Variants in FPR2 observed in about 807,000 individuals in gnomAD.
FPR2 encodes the protein formyl peptide receptor 2, also known as N-formyl peptide receptor 2.
In FPR2, 3 loss-of-function variants were observed where a neutral mutation model predicts 4.0. That is an observed-to-expected ratio of 0.74 (90% confidence interval 0.34 to 1.92). The LOEUF is 1.92. Among genes scored for constraint, FPR2 ranks in the 30% most tolerant of loss-of-function variants. The pLI is 0.07. For synonymous variants in FPR2, 179 were observed against 171.5 expected (o/e 1.04, Z -0.34); for missense variants, 372 against 435.7 (o/e 0.85, Z 1.30).
intron 1 of FPR2, among the ~76,000 whole-genome samples, chr19:51,764,542 T>C (rs1490170740): frequency 2.0e-5 from 3 of 152,180 alleles, no homozygotes; most frequent in Non-Finnish European, 4.4e-5. Context: ...CCCTCGATAA[T>C]TGTGAAAGTC....
intron 1 of FPR2, among the ~76,000 whole-genome samples, chr19:51,768,204 G>A (rs2083878394): frequency 6.6e-6 from 1 of 152,318 alleles, no homozygotes; most frequent in Admixed American, 6.5e-5. Flanking sequence ...AGGGACAGGA[G>A]TTGGGAGACT....
At chr19:51,761,480 A>G (rs1367737352) in intron 1 of FPR2, among the ~76,000 whole-genome samples, 3 of 152,206 alleles carry the variant, frequency 2.0e-5, no homozygotes, top group Non-Finnish European at 4.4e-5. Context: ...ACGTGTTCCA[A>G]TGATTTTTTT....
intron 1 of FPR2, among the ~76,000 whole-genome samples, chr19:51,765,729 A>C (rs2083864418): frequency 6.6e-6 from 1 of 152,156 alleles, no homozygotes; most frequent in Non-Finnish European, 1.5e-5. Context: ...TTTGTCATAG[A>C]TATACTCAGT....
rs56087157 is a variant in FPR2 at position 51,767,613 on chromosome 19, A to G, written c.-14-1032A>G. Among the ~76,000 whole-genome samples, 879 of 152,194 alleles carry G rather than the reference A, an allele frequency of 5.8e-3. 3 individuals are homozygous for G. Among genetic ancestry groups the G allele is most frequent in the Admixed American group, 0.01 (158 of 15,282 alleles). On this transcript the variant is annotated intron_variant, in intron 1 of 1. Coordinates refer to ENST00000340023, the MANE Select transcript of FPR2 (RefSeq NM_001005738.2). ...TAAACACAATTGTGGTTTTTCAAGCAGAGAAGAATGGGGAACCGTTGCTGG... is the reference window on the plus strand; with the variant it reads ...TAAACACAATTGTGGTTTTTCAAGCGGAGAAGAATGGGGAACCGTTGCTGG...
At chr19:51,763,759 G>GCTGT (rs2083853227) in intron 1 of FPR2, among the ~76,000 whole-genome samples, 1 of 151,972 alleles carries the variant, frequency 6.6e-6, no homozygotes, top group South Asian at 2.1e-4. Context: ...TAGTTTTGTT[G>GCTGT]TTGTTTGTTT....
Position 51,764,831 on chromosome 19 carries a change from A to AT in FPR2, c.-15+3612dup, listed in dbSNP as rs941143515. On this transcript the variant is annotated intron_variant, in intron 1 of 1. Transcript: ENST00000340023. ...AATCATCCTTCCTTGTTGCATCAAC[A>AT]TTTTTTTTTTTCTGAGACAGAGTCT... Among the ~76,000 whole-genome samples, 141 of 147,150 alleles carry AT rather than the reference A, an allele frequency of 9.6e-4. 1 individual carries two copies. The highest frequency in any genetic ancestry group is 1.2e-3 in the East Asian group (6 of 5,054).
intron 1 of FPR2, among the ~76,000 whole-genome samples, chr19:51,765,119 G>A (rs976467469): frequency 6.6e-6 from 1 of 152,148 alleles, no homozygotes; most frequent in Non-Finnish European, 1.5e-5. Context: ...GAGCCACTGC[G>A]CCCAGCCTGT....
chr19:51,761,708 G>T (rs987348626), intron 1 of FPR2, among the ~76,000 whole-genome samples: 3 of 152,124 alleles, frequency 2.0e-5, no homozygotes, highest in African/African-American at 4.8e-5. Context: ...CAGGAGAATC[G>T]CTTGAACCTA....
intron 1 of FPR2, among the ~76,000 whole-genome samples, chr19:51,762,124 C>T (rs2083841696): frequency 1.4e-5 from 2 of 142,950 alleles, no homozygotes; most frequent in African/African-American, 5.4e-5. Flanking sequence ...CTTGCTCTGT[C>T]GCCCAGGCTG....
chr19:51,764,513 G>A (rs1035027200), intron 1 of FPR2, among the ~76,000 whole-genome samples: 5 of 152,252 alleles, frequency 3.3e-5, no homozygotes, highest in African/African-American at 1.2e-4. Context: ...GAAATCTGTG[G>A]TCATAAATTC....
In FPR2 at chr19:51,768,756, TTGGGGTC is replaced by T; in HGVS notation, c.99_105del (p.Gly34ProfsTer12). ...CTGCGGATCCTCCCATTGGTGGTGC[TTGGGGTC>T]ACCTTTGTCCTCGGGGTCCTGGGCA... On this transcript the variant is annotated frameshift_variant, in exon 2 of 2. Transcript: ENST00000340023. LOFTEE classifies it low-confidence loss of function (END_TRUNC). 1 of 1,614,184 alleles carries T rather than the reference TTGGGGTC, an allele frequency of 6.2e-7. No individual in the cohort carries two copies. Among genetic ancestry groups the T allele is most frequent in the Non-Finnish European group, 8.5e-7 (1 of 1,180,020 alleles).
rs184883925 is a variant in FPR2, at chr19:51,762,507, G to A, written c.-15+1277G>A. 6.2e-3 allele frequency: 920 copies of A among 149,444 alleles called. 6 individuals are homozygous for A. The highest frequency in any genetic ancestry group is 0.01 in the Non-Finnish European group (697 of 67,622). 9.3% of individuals were successfully genotyped at this position (149,444 alleles called of 1,614,324 possible). On this transcript the variant is annotated intron_variant, in intron 1 of 1. Coordinates refer to ENST00000340023, the MANE Select transcript of FPR2 (RefSeq NM_001005738.2). ...TCCCTGGTTCAAGCGATTCTCCTGC[G>A]TCAGCCTCCCGAGCATCTGGAATTA...
At chr19:51,767,802 C>T (rs1382898811) in intron 1 of FPR2, among the ~76,000 whole-genome samples, 1 of 152,172 alleles carries the variant, frequency 6.6e-6, no homozygotes, top group Non-Finnish European at 1.5e-5. Context: ...ATGAATATTA[C>T]ATAGCTATTA....
intron 1 of FPR2, among the ~76,000 whole-genome samples, chr19:51,765,602 T>C (rs1477785232): frequency 6.6e-6 from 1 of 152,184 alleles, no homozygotes; most frequent in African/African-American, 2.4e-5. Flanking sequence ...GTGTGGGTAA[T>C]GTTCATAAGT....
rs529128829 is a variant in FPR2, at chr19:51,769,100, G to A, written c.442G>A (p.Gly148Arg). The A allele has an allele frequency of 1.6e-5, 26 of 1,614,112 alleles. No individual in the cohort carries two copies. The highest frequency in any genetic ancestry group is 1.4e-4 in the South Asian group (13 of 91,080). The change falls in exon 2 of 2, where the codon GGA becomes AGA. Residue 148 changes from glycine to arginine, a missense_variant. By Grantham distance (125) the Gly-to-Arg change is moderately radical. Coordinates refer to ENST00000340023, the MANE Select transcript of FPR2 (RefSeq NM_001005738.2). The surrounding 1 kb of genome is among the most constrained non-coding windows in gnomAD (Gnocchi z 4.4). ...TVSLAMKVIV[G>R]PWILALVLTL... is the part of the protein sequence containing the mutation. ...GAGTCTGGCCATGAAGGTGATCGTC[G>A]GACCTTGGATTCTTGCTCTAGTCCT...
rs995711132 is a variant in FPR2, at chr19:51,770,387, T to A, written c.*673T>A. ...TACTGTTATTTCACTTTTTCTACTA[T>A]CCTTGCTAAGTTTTCATAGAAAATA... On this transcript the variant is annotated 3_prime_UTR_variant, in exon 2 of 2. Transcript: ENST00000340023. 11 of 167,100 alleles carry A rather than the reference T, an allele frequency of 6.6e-5. No individual in the cohort carries two copies. The highest frequency in any genetic ancestry group is 1.3e-4 in the Non-Finnish European group (9 of 68,124). 10.4% of individuals were successfully genotyped at this position (167,100 alleles called of 1,614,324 possible).
rs1032794466 is a variant in FPR2 at position 51,769,141 on chromosome 19, C to T, written c.483C>T (p.Phe161=). 4.3e-6 allele frequency: 7 copies of T among 1,614,056 alleles called. No homozygotes were observed. The highest frequency in any genetic ancestry group is 1.1e-5 in the South Asian group (1 of 91,082). ...ILALVLTLPV[F]LFLTTVTIPN... ...CTCTAGTCCTTACCTTGCCAGTTTT[C>T]CTCTTTTTGACTACAGTAACTATTC... The change falls in exon 2 of 2, where the codon TTC becomes TTT. Residue 161 remains phenylalanine, a synonymous_variant. Coordinates refer to ENST00000340023, the MANE Select transcript of FPR2 (RefSeq NM_001005738.2). The surrounding 1 kb of genome is among the most constrained non-coding windows in gnomAD (Gnocchi z 4.4).
intron 1 of FPR2, among the ~76,000 whole-genome samples, chr19:51,767,406 A>T (rs954407131): frequency 6.6e-6 from 1 of 151,376 alleles, no homozygotes; most frequent in African/African-American, 2.4e-5. Flanking sequence ...AAACAAAAAA[A>T]CTTGATCTGA....
At chr19:51,764,890 G>A (rs1253280635) in intron 1 of FPR2, among the ~76,000 whole-genome samples, 6 of 151,892 alleles carry the variant, frequency 4.0e-5, no homozygotes, top group African/African-American at 9.7e-5. Context: ...GCTGTGGCAC[G>A]ATCTTGGCTC....
Sources: gnomAD v4.1 joint callset for allele counts (sites outside exome capture counted in the v4.1 genomes callset) on GRCh38, gnomAD v4.1.1 for gene constraint, Gnocchi (gnomAD v3.1) non-coding constraint, MANE v1.5 for transcripts, NCBI Gene and HGNC (gene_info 2026-07-23, HGNC 2026-07-21) for gene names.